The following TMEM120B variants were observed in gnomAD, a reference collection of about 807,000 sequenced individuals.
TMEM120B encodes the protein transmembrane protein 120B.
TMEM120B carries 31 observed loss-of-function variants against 55.5 expected under a neutral mutation model. The observed-to-expected ratio is 0.56, with a 90% confidence interval of 0.42 to 0.75. The LOEUF (loss-of-function observed/expected upper bound fraction) is 0.75. Among genes scored for constraint, TMEM120B ranks in the 30% least tolerant of loss-of-function variants. The probability of loss-of-function intolerance (pLI) is 0.00; values close to 1 mark genes in which losing one functional copy is unlikely to be tolerated. For synonymous variants in TMEM120B, 203 were observed against 176.3 expected (o/e 1.15, Z -1.20); for missense variants, 399 against 425.5 (o/e 0.94, Z 0.55).
chr12:121,737,157 G>A (rs1895131804), intron 1 of TMEM120B, among the ~76,000 whole-genome samples: 1 of 152,150 alleles, frequency 6.6e-6, no homozygotes, highest in African/African-American at 2.4e-5. Flanking sequence ...AGAGAGAACA[G>A]AGGCACTGCC....
chr12:121,747,266 G>T (rs1873115626), intron 2 of TMEM120B, among the ~76,000 whole-genome samples: 2 of 146,112 alleles, frequency 1.4e-5, no homozygotes, highest in Admixed American at 6.8e-5. Flanking sequence ...TAGAAGGTGG[G>T]AGGCTGGGGT....
intron 1 of TMEM120B, among the ~76,000 whole-genome samples, chr12:121,727,664 G>C (rs1455970116): frequency 2.0e-5 from 3 of 151,824 alleles, no homozygotes; most frequent in Non-Finnish European, 4.4e-5. Context: ...ACGAGGTCAG[G>C]AGATAGAGAC....
At chr12:121,758,983 T>C in intron 5 of TMEM120B, 2 of 985,458 alleles carry the variant, frequency 2.0e-6, no homozygotes, top group Non-Finnish European at 2.4e-6. Context: ...AAAGGAGTTC[T>C]TCAGTTAGTG....
intron 6 of TMEM120B, 24 bp from the exon 7 acceptor site, chr12:121,770,883 T>G (rs1480145012): frequency 6.2e-7 from 1 of 1,613,336 alleles, no homozygotes; most frequent in East Asian, 2.2e-5. Context: ...TCCTGAGCAC[T>G]TTCCGTTCTC....
intron 8 of TMEM120B, 23 bp downstream of exon 8, chr12:121,771,572 T>G (rs1357771452): frequency 6.2e-7 from 1 of 1,611,074 alleles, no homozygotes; most frequent in South Asian, 1.1e-5. Flanking sequence ...TGCCTGGATT[T>G]GGGGGAAGGG....
chr12:121,775,102 C>T lies in TMEM120B; in HGVS notation c.878C>T (p.Ser293Phe). ...LYNAVTLFEL[S>F]SHEECREWQV... ...AATGCCGTCACGCTGTTTGAGCTCT[C>T]CAGCCACGAGGAATGCAGAGAATGG... is the stretch of plus-strand genomic sequence containing the variant. Residue 293 changes from serine to phenylalanine, a missense_variant, in exon 11 of 12, where the codon TCC (serine) becomes TTC (phenylalanine). This residue lies in a region of TMEM120B where 260 missense variants were observed against 303.9 expected (regional missense o/e 0.86). Transcript: ENST00000449592. The surrounding 1 kb of genome is among the most constrained non-coding windows in gnomAD (Gnocchi z 4.3). 1.9e-6 allele frequency: 3 copies of T among 1,611,732 alleles called. No individual in the cohort carries two copies. The highest frequency in any genetic ancestry group is 2.2e-5 in the East Asian group (1 of 44,764).
At position 121,775,110 on chromosome 12, in the gene TMEM120B, G is replaced by A. The variant is rs759988323; in HGVS notation, c.886G>A (p.Glu296Lys). The change falls in exon 11 of 12, where the codon GAG becomes AAG. Residue 296 changes from glutamate (E) to lysine (K), a missense_variant. This residue lies in a region of TMEM120B where 260 missense variants were observed against 303.9 expected (regional missense o/e 0.86). Coordinates refer to ENST00000449592, the MANE Select transcript of TMEM120B (RefSeq NM_001080825.2). This position sits in a 1 kb window ranked among gnomAD's most constrained non-coding sequence, Gnocchi z 4.3. ...AVTLFELSSHEECREWQVFVL... is the reference protein window; with the variant it reads ...AVTLFELSSHKECREWQVFVL... Reference sequence around the variant, plus strand: ...CACGCTGTTTGAGCTCTCCAGCCACGAGGAATGCAGAGAATGGCAGGTATG... The same window carrying A: ...CACGCTGTTTGAGCTCTCCAGCCACAAGGAATGCAGAGAATGGCAGGTATG... The A allele has an allele frequency of 7.2e-6, 11 of 1,528,252 alleles. No homozygotes were observed. Among genetic ancestry groups the A allele is most frequent in the East Asian group, 5.5e-5 (2 of 36,332 alleles). The allele number at this position is 1,528,252 out of a possible 1,614,324, so 94.7% of individuals were successfully genotyped here.
Position 121,775,608 on chromosome 12 carries a change from G to C in TMEM120B, c.907-1G>C. On this transcript the variant is annotated splice_acceptor_variant, in intron 11 of 11. Transcript: ENST00000449592. LOFTEE classifies it high-confidence loss of function. This position sits in a 1 kb window ranked among gnomAD's most constrained non-coding sequence, Gnocchi z 4.3. ...TCGCCCTCCTCTCTGGACTCCCCCA[G>C]GTGTTCGTACTGGCGTTCACCTTCC... 6.2e-7 allele frequency: 1 copy of C among 1,613,258 alleles called. No homozygotes were observed. Among genetic ancestry groups the C allele is most frequent in the Non-Finnish European group, 8.5e-7 (1 of 1,179,504 alleles).
At chr12:121,719,782 C>T (rs1184992286) in intron 1 of TMEM120B, among the ~76,000 whole-genome samples, 7 of 152,018 alleles carry the variant, frequency 4.6e-5, no homozygotes, top group Admixed American at 4.6e-4. Context: ...GCAACCTCTG[C>T]CTCTCGGGTT....
intron 1 of TMEM120B, among the ~76,000 whole-genome samples, chr12:121,720,449 C>A (rs1035754616): frequency 6.6e-6 from 1 of 152,142 alleles, no homozygotes. Flanking sequence ...GTGGCTCATG[C>A]CTGTAATCCC....
chr12:121,713,726 T>C (rs927812093), intron 1 of TMEM120B, among the ~76,000 whole-genome samples: 1 of 151,916 alleles, frequency 6.6e-6, no homozygotes, highest in South Asian at 2.1e-4. Context: ...TGCTAAGAGG[T>C]TCAGAGAGGC....
In TMEM120B at chr12:121,775,733, C is replaced by A; in HGVS notation, c.*11C>A. 6.2e-7 allele frequency: 1 copy of A among 1,613,530 alleles called. No homozygotes were observed. Among genetic ancestry groups the A allele is most frequent in the Non-Finnish European group, 8.5e-7 (1 of 1,179,952 alleles). ...ACAAAGCAGCCGTGAGCCTCGGGCTCCTGTGCCCTCGGCCCGGACTTCAGA... is the reference window on the plus strand; with the variant it reads ...ACAAAGCAGCCGTGAGCCTCGGGCTACTGTGCCCTCGGCCCGGACTTCAGA... On this transcript the variant is annotated 3_prime_UTR_variant, in exon 12 of 12. Coordinates refer to ENST00000449592, the MANE Select transcript of TMEM120B (RefSeq NM_001080825.2). The surrounding 1 kb of genome is among the most constrained non-coding windows in gnomAD (Gnocchi z 4.3).
chr12:121,740,910 CTT>C (rs1040757211), intron 1 of TMEM120B, among the ~76,000 whole-genome samples: 7 of 152,060 alleles, frequency 4.6e-5, no homozygotes, highest in African/African-American at 1.7e-4. Context: ...AAATTTTGAG[CTT>C]TATGGGCCAT....
intron 7 of TMEM120B, among the ~76,000 whole-genome samples, 190 bp downstream of exon 7, chr12:121,771,162 A>G (rs1402588584): frequency 2.0e-5 from 3 of 151,696 alleles, no homozygotes; most frequent in East Asian, 3.9e-4. Flanking sequence ...TCTCCAGGGA[A>G]TGGTTTCGGG....
rs932179565 is a variant in TMEM120B at position 121,763,649 on chromosome 12, G to A, written c.551+1911G>A. Among the ~76,000 whole-genome samples the A allele has an allele frequency of 2.9e-4, 44 of 152,032 alleles. 1 individual carries two copies. The highest frequency in any genetic ancestry group is 7.4e-5 in the Non-Finnish European group (5 of 68,004). The stretch of plus-strand genomic sequence containing the variant: ...GTAGAGACTGGGTTTCATCATGTTG[G>A]CCAGGCTGGTCTCAAACTCTTGACC... On this transcript the variant is annotated intron_variant, in intron 6 of 11. Coordinates refer to ENST00000449592, the MANE Select transcript of TMEM120B (RefSeq NM_001080825.2).
intron 6 of TMEM120B, among the ~76,000 whole-genome samples, chr12:121,764,239 G>A (rs886978387): frequency 4.6e-5 from 7 of 151,598 alleles, no homozygotes; most frequent in African/African-American, 1.7e-4. Flanking sequence ...AACCAGGCAT[G>A]GGCCAGGTGC....
chr12:121,748,416 G>C lies in TMEM120B; in HGVS notation c.279G>C (p.Met93Ile). 6.2e-7 allele frequency: 1 copy of C among 1,610,154 alleles called. No homozygotes were observed. The highest frequency in any genetic ancestry group is 8.5e-7 in the Non-Finnish European group (1 of 1,178,158). The change falls in exon 3 of 12, where the codon ATG (methionine) becomes ATC (isoleucine). Residue 93 changes from methionine (M) to isoleucine (I), a missense_variant. This residue lies in a region of TMEM120B where 133 missense variants were observed against 104.1 expected (regional missense o/e 1.28). Transcript: ENST00000449592. ...IKERQDVFFD[M>I]EAYLPKKNGL... is the part of the protein sequence containing the mutation. ...AGCGGCAGGACGTCTTCTTCGACAT[G>C]GAGGCCTACCTGCCCAAGAAGAACG...
intron 5 of TMEM120B, chr12:121,758,058 A>G (rs1408289984): frequency 3.6e-6 from 2 of 551,614 alleles, no homozygotes; most frequent in Non-Finnish European, 4.6e-6. Context: ...GATTAAGGCT[A>G]CAGTGGGCCA....
Position 121,766,835 on chromosome 12 carries a change from C to T in TMEM120B, c.552-4072C>T, listed in dbSNP as rs77486517. On this transcript the variant is annotated intron_variant, in intron 6 of 11. Coordinates refer to ENST00000449592, the MANE Select transcript of TMEM120B (RefSeq NM_001080825.2). ...TTCTGGGCCAGAATGAGTAATGACTCGGTGATCATGTTTGGTTTTCTAGGG... is the reference window on the plus strand; with the variant it reads ...TTCTGGGCCAGAATGAGTAATGACTTGGTGATCATGTTTGGTTTTCTAGGG... 3.0e-4 allele frequency among the ~76,000 whole-genome samples: 46 copies of T among 152,256 alleles called. 1 individual carries two copies. The East Asian group carries it at 7.5e-3, about 25-fold the overall frequency.
Sources: allele counts gnomAD v4.1 joint callset (sites outside exome capture counted in the v4.1 genomes callset), GRCh38; gene constraint gnomAD v4.1.1; regional missense constraint gnomAD v4.1.1; non-coding constraint Gnocchi (gnomAD v3.1); transcripts MANE v1.5; gene names NCBI Gene and HGNC (gene_info 2026-07-23, HGNC 2026-07-21).